CSMD1: variants seen among roughly 807,000 people sequenced by gnomAD.
CSMD1 encodes the protein CUB and sushi domain-containing protein 1.
In CSMD1, 213 loss-of-function variants were observed where a neutral mutation model predicts 417.5. The observed-to-expected ratio is 0.51, with a 90% CI of 0.46 to 0.57. CSMD1 has a LOEUF of 0.57. Among genes scored for constraint, CSMD1 ranks in the 20% least tolerant of loss-of-function variants. The pLI is 0.00. For synonymous variants in CSMD1, 2,862 were observed against 1,736.8 expected (o/e 1.65, Z -16.11); for missense variants, 6,923 against 4,529.7 (o/e 1.53, Z -15.17).
intron 1 of CSMD1, among the ~76,000 whole-genome samples, chr8:4,749,097 C>G (rs1170563121): frequency 3.9e-5 from 6 of 152,228 alleles, no homozygotes; most frequent in Non-Finnish European, 8.8e-5. Flanking sequence ...CCCATGCAGT[C>G]TCCACTCGCT....
chr8:2,938,458 G>C lies in CSMD1; in HGVS notation c.*127C>G. ...AGAGATCCCCGCTGCACTTATGCCA[G>C]TAGACAAGGTTGAAGATCGCTGCAG... is the stretch of plus-strand genomic sequence containing the variant. On this transcript the variant is annotated 3_prime_UTR_variant, in exon 70 of 70. Coordinates refer to ENST00000635120, the MANE Select transcript of CSMD1 (RefSeq NM_033225.6). 2.3e-6 allele frequency: 2 copies of C among 873,028 alleles called. No individual in the cohort carries two copies. Among genetic ancestry groups the C allele is most frequent in the Non-Finnish European group, 3.5e-6 (2 of 574,906 alleles). The allele number at this position is 873,028 out of a possible 1,614,324, so 54.1% of individuals were successfully genotyped here.
At chr8:4,166,012 C>G (rs1417545702) in intron 3 of CSMD1, among the ~76,000 whole-genome samples, 1 of 152,132 alleles carries the variant, frequency 6.6e-6, no homozygotes, top group African/African-American at 2.4e-5. Context: ...CTGTACATCT[C>G]TTTATATCCT....
At chr8:4,827,191 C>G (rs1799884205) in intron 1 of CSMD1, among the ~76,000 whole-genome samples, 1 of 152,136 alleles carries the variant, frequency 6.6e-6, no homozygotes, top group South Asian at 2.1e-4. Context: ...TGCAATATAA[C>G]TGAAAACCTC....
At chr8:3,963,316 C>T (rs1217332508) in intron 5 of CSMD1, among the ~76,000 whole-genome samples, 1 of 152,064 alleles carries the variant, frequency 6.6e-6, no homozygotes, top group East Asian at 1.9e-4. Context: ...TGGCTCTCAC[C>T]CAGATAAGCC....
intron 3 of CSMD1, among the ~76,000 whole-genome samples, chr8:4,260,212 G>T (rs1182471744): frequency 6.6e-6 from 1 of 152,090 alleles, no homozygotes; most frequent in Non-Finnish European, 1.5e-5. Flanking sequence ...CTATCTAATT[G>T]GGGTGAACAC....
At chr8:4,690,022 G>A (rs540844715) in intron 1 of CSMD1, among the ~76,000 whole-genome samples, 2 of 152,270 alleles carry the variant, frequency 1.3e-5, no homozygotes, top group South Asian at 4.1e-4. Flanking sequence ...ATAAAGCAAT[G>A]GGTTTAGAGA....
At chr8:3,859,762 G>C (rs1289687123) in intron 5 of CSMD1, among the ~76,000 whole-genome samples, 3 of 152,148 alleles carry the variant, frequency 2.0e-5, no homozygotes, top group Non-Finnish European at 4.4e-5. Context: ...TGACAATCCT[G>C]AATACTGCTG....
intron 26 of CSMD1, among the ~76,000 whole-genome samples, chr8:3,261,678 C>G (rs1018404550): frequency 4.6e-5 from 7 of 152,122 alleles, no homozygotes; most frequent in Admixed American, 1.3e-4. Context: ...AAGGAATATG[C>G]CCTGGATTCA....
At chr8:3,728,955 C>T (rs1383955) in intron 6 of CSMD1, among the ~76,000 whole-genome samples, 151,275 of 152,302 alleles carry the variant, frequency 0.99, 75,135 homozygotes, top group East Asian at 1. Context: ...AAATGAGTGC[C>T]GTTCGAATAT....
chr8:4,297,909 T>A, intron 3 of CSMD1, among the ~76,000 whole-genome samples: 1 of 152,146 alleles, frequency 6.6e-6, no homozygotes, highest in East Asian at 1.9e-4. Context: ...AAGTATATAA[T>A]CAGAAAGGTT....
chr8:4,354,201 G>C (rs1044329480), intron 3 of CSMD1, among the ~76,000 whole-genome samples: 1 of 152,148 alleles, frequency 6.6e-6, no homozygotes, highest in African/African-American at 2.4e-5. Flanking sequence ...CACATCTTCA[G>C]AGATTACCAC....
intron 54 of CSMD1, among the ~76,000 whole-genome samples, chr8:2,984,583 G>A (rs951901584): frequency 9.2e-5 from 14 of 152,172 alleles, no homozygotes; most frequent in Non-Finnish European, 1.8e-4. Context: ...TCCTGACCTC[G>A]TGATCCACCC....
intron 3 of CSMD1, among the ~76,000 whole-genome samples, chr8:4,340,938 A>G (rs887941603): frequency 2.0e-5 from 3 of 152,056 alleles, no homozygotes; most frequent in African/African-American, 4.8e-5. Context: ...TAGGCCTGAG[A>G]GAATGTAGTC....
intron 7 of CSMD1, among the ~76,000 whole-genome samples, chr8:3,696,779 G>C (rs1460981595): frequency 1.3e-5 from 2 of 152,126 alleles, no homozygotes; most frequent in East Asian, 3.9e-4. Flanking sequence ...AAGGTCAACA[G>C]GAGTTTCTAA....
intron 3 of CSMD1, among the ~76,000 whole-genome samples, chr8:4,158,278 A>G (rs969509896): frequency 3.3e-5 from 5 of 152,080 alleles, no homozygotes; most frequent in African/African-American, 7.2e-5. Flanking sequence ...CGGGAAGACT[A>G]AACAACAGAA....
chr8:4,788,128 G>A (rs1340050337), intron 1 of CSMD1: 8 of 1,602,874 alleles, frequency 5.0e-6, no homozygotes, highest in Non-Finnish European at 6.0e-6. Flanking sequence ...GTGTTGATGG[G>A]CTCTACTTCT....
intron 7 of CSMD1, among the ~76,000 whole-genome samples, chr8:3,628,727 C>G (rs889891801): frequency 6.6e-6 from 1 of 152,086 alleles, no homozygotes; most frequent in Admixed American, 6.5e-5. Flanking sequence ...GATCACGTCA[C>G]AGCTCATGAG....
chr8:4,789,390 G>A (rs1474144518), intron 1 of CSMD1, among the ~76,000 whole-genome samples: 1 of 152,114 alleles, frequency 6.6e-6, no homozygotes, highest in Non-Finnish European at 1.5e-5. Context: ...GGCTCTGGGT[G>A]ATTTTTACCT....
chr8:4,881,061 C>T (rs1262207416), intron 1 of CSMD1, among the ~76,000 whole-genome samples: 1 of 152,002 alleles, frequency 6.6e-6, no homozygotes, highest in African/African-American at 2.4e-5. Context: ...CAACTCTTTT[C>T]CTAGAGGACT....
Sources: allele counts gnomAD v4.1 joint callset (sites outside exome capture counted in the v4.1 genomes callset), GRCh38; gene constraint gnomAD v4.1.1; transcripts MANE v1.5; gene names NCBI Gene and HGNC (gene_info 2026-07-23, HGNC 2026-07-21).